Variants in MEGF10 observed in about 807,000 individuals in gnomAD.
MEGF10 encodes multiple epidermal growth factor-like domains protein 10.
MEGF10 carries 86 observed loss-of-function variants against 147.5 expected under a neutral mutation model. The ratio of observed to expected loss-of-function variants is 0.58; its 90% CI spans 0.49 to 0.70. MEGF10 has a LOEUF of 0.70. Among genes scored for constraint, MEGF10 ranks in the 30% least tolerant of loss-of-function variants. The probability of loss-of-function intolerance (pLI) is 0.00; values close to 1 mark genes in which losing one functional copy is unlikely to be tolerated. For missense variants in MEGF10, 1,329 were observed against 1,487.3 expected (o/e 0.89, Z 1.75); for synonymous variants, 478 against 525.5 (o/e 0.91, Z 1.24).
chr5:127,305,318 A>T (rs1197408107), intron 1 of MEGF10, among the ~76,000 whole-genome samples: 5 of 152,174 alleles, frequency 3.3e-5, no homozygotes, highest in Non-Finnish European at 1.5e-5. Flanking sequence ...TTATTGAACA[A>T]TTGGCCTCAT....
intron 2 of MEGF10, among the ~76,000 whole-genome samples, chr5:127,333,832 A>G (rs1057033920): frequency 1.3e-5 from 2 of 152,200 alleles, no homozygotes; most frequent in Non-Finnish European, 2.9e-5. Flanking sequence ...CAAGGGGCAC[A>G]TTAATCTCTA....
At chr5:127,320,077 G>A (rs540703712) in intron 1 of MEGF10, among the ~76,000 whole-genome samples, 60 of 152,274 alleles carry the variant, frequency 3.9e-4, no homozygotes, top group South Asian at 8.3e-4. Context: ...TAGGCATTCT[G>A]GAGGTTTATA....
upstream of MEGF10, chr5:127,290,715 A>AGCT (rs1759209873): frequency 6.5e-6 from 1 of 152,914 alleles, no homozygotes; most frequent in Non-Finnish European, 1.5e-5. Context: ...CCCCGGCAGC[A>AGCT]GCAGCTGCAG....
intron 1 of MEGF10, among the ~76,000 whole-genome samples, chr5:127,297,459 G>A (rs563309677): frequency 6.6e-6 from 1 of 152,078 alleles, no homozygotes; most frequent in South Asian, 2.1e-4. Flanking sequence ...AACAACAACT[G>A]AGCAGGTAAG....
intron 4 of MEGF10, among the ~76,000 whole-genome samples, chr5:127,362,656 A>G (rs906953473): frequency 6.6e-6 from 1 of 152,032 alleles, no homozygotes; most frequent in African/African-American, 2.4e-5. Flanking sequence ...GACCCACCGC[A>G]CCCGGCCAAA....
At chr5:127,273,813 C>T in the MEGF10 span, among the ~76,000 whole-genome samples, 1 of 152,330 alleles carries the variant, frequency 6.6e-6, no homozygotes, top group Non-Finnish European at 1.5e-5. Context: ...CAAATACCTA[C>T]TTATGTACAG....
At chr5:127,289,877 G>T (rs1166284515), upstream of MEGF10, among the ~76,000 whole-genome samples, 1 of 152,070 alleles carries the variant, frequency 6.6e-6, no homozygotes, top group East Asian at 1.9e-4. Context: ...TTTTTTTGTG[G>T]GGAGAGGGGG....
chr5:127,269,004 C>G, the MEGF10 span, among the ~76,000 whole-genome samples: 1 of 152,236 alleles, frequency 6.6e-6, no homozygotes, highest in African/African-American at 2.4e-5. Flanking sequence ...CCAGCACACT[C>G]CAACAGACCT....
Position 127,422,685 on chromosome 5 carries a change from C to A in MEGF10, c.1606C>A (p.Leu536Met), listed in dbSNP as rs1765059876. 6.2e-7 allele frequency: 1 copy of A among 1,613,900 alleles called. No individual in the cohort carries two copies. The highest frequency in any genetic ancestry group is 8.5e-7 in the Non-Finnish European group (1 of 1,179,934). ...TTCCATGCAGGATGGCACGTACGGG[C>A]TGAACTGTGCTGAGCGCTGCGACTG... ...ELPCQDGTYGLNCAERCDCSH... is the reference protein window; with the variant it reads ...ELPCQDGTYGMNCAERCDCSH... Residue 536 changes from leucine (L) to methionine (M), a missense_variant, in exon 13 of 25, where the codon CTG becomes ATG. By Grantham distance (15) the Leu-to-Met change is conservative. Coordinates refer to ENST00000503335, the MANE Select transcript of MEGF10 (RefSeq NM_001256545.2).
chr5:127,425,844 T>C (rs6883445), intron 13 of MEGF10, among the ~76,000 whole-genome samples: 18,069 of 152,194 alleles, frequency 0.12, 1,952 homozygotes, highest in African/African-American at 0.28. Context: ...ATTCTATTTC[T>C]TCTCATCCCT....
chr5:127,316,591 A>T (rs1375672785), intron 1 of MEGF10, among the ~76,000 whole-genome samples: 1 of 152,162 alleles, frequency 6.6e-6, no homozygotes, highest in East Asian at 1.9e-4. Flanking sequence ...ATTAAATGAT[A>T]ATCTTGACCT....
rs761159245 is a variant in MEGF10 at position 127,454,573 on chromosome 5, T to C, written c.2988T>C (p.Phe996=). 1 of 1,609,424 alleles carries C rather than the reference T, an allele frequency of 6.2e-7. No individual in the cohort carries two copies. Among genetic ancestry groups the C allele is most frequent in the Non-Finnish European group, 8.5e-7 (1 of 1,178,536 alleles). Residue 996 remains phenylalanine, a synonymous_variant, in exon 23 of 25, where the codon TTT becomes TTC. Transcript: ENST00000503335. ...HGGYLNELGA[F]GLDRSYMGKS... ...TTTCTTCCTTTATTACAGGTGCTTTTGGACTTGACAGAAGCTATATGGGAA... is the reference window on the plus strand; with the variant it reads ...TTTCTTCCTTTATTACAGGTGCTTTCGGACTTGACAGAAGCTATATGGGAA...
At chr5:127,326,047 C>G (rs1761019334) in intron 1 of MEGF10, among the ~76,000 whole-genome samples, 1 of 151,236 alleles carries the variant, frequency 6.6e-6, no homozygotes, top group Non-Finnish European at 1.5e-5. Context: ...CTCTCAGTAG[C>G]TGGGACTACA....
At chr5:127,444,630 T>C (rs1231587206) in intron 19 of MEGF10, 1 of 152,202 alleles carries the variant, frequency 6.6e-6, no homozygotes, top group Non-Finnish European at 1.5e-5. Flanking sequence ...TCTCAACCCA[T>C]GCCTTTAGCG....
intron 17 of MEGF10, among the ~76,000 whole-genome samples, chr5:127,439,292 C>G (rs1370958218): frequency 6.6e-6 from 1 of 152,130 alleles, no homozygotes; most frequent in Non-Finnish European, 1.5e-5. Flanking sequence ...GACCTCTTAC[C>G]TTCGGTTGAA....
intron 16 of MEGF10, among the ~76,000 whole-genome samples, chr5:127,437,939 A>T (rs1295653604): frequency 6.6e-6 from 1 of 152,188 alleles, no homozygotes; most frequent in Non-Finnish European, 1.5e-5. Context: ...GGCCTTCCTC[A>T]GAGGAGTAGC....
intron 13 of MEGF10, among the ~76,000 whole-genome samples, chr5:127,428,092 C>G (rs1457459788): frequency 6.7e-6 from 1 of 148,576 alleles, no homozygotes; most frequent in Non-Finnish European, 1.5e-5. Context: ...GCAATCCTTT[C>G]TACTTGCTTT....
upstream of MEGF10, among the ~76,000 whole-genome samples, chr5:127,290,144 C>G (rs1381763380): frequency 1.3e-5 from 2 of 152,134 alleles, no homozygotes; most frequent in Non-Finnish European, 2.9e-5. Context: ...CCGCGCGAGG[C>G]CTCCGAGGAC....
intron 13 of MEGF10, among the ~76,000 whole-genome samples, chr5:127,428,141 A>ATTTTTTTTTTTT (rs66935934): frequency 6.8e-5 from 7 of 103,572 alleles, no homozygotes; most frequent in African/African-American, 7.3e-5. Flanking sequence ...GGTGTCTGGT[A>ATTTTTTTTTTTT]TTTTTTTTTT....
Sources: allele counts gnomAD v4.1 joint callset (sites outside exome capture counted in the v4.1 genomes callset), GRCh38; gene constraint gnomAD v4.1.1; transcripts MANE v1.5; gene names NCBI Gene and HGNC (gene_info 2026-07-23, HGNC 2026-07-21).